The following GRM5 variants were observed in gnomAD, a reference collection of about 807,000 sequenced individuals.
GRM5 encodes the protein glutamate metabotropic receptor 5.
Under a neutral mutation model 83.1 loss-of-function variants are expected in GRM5, and 19 were observed. The ratio of observed to expected loss-of-function variants is 0.23; its 90% CI spans 0.16 to 0.34. The LOEUF is 0.34. Among genes scored for constraint, GRM5 ranks in the 10% least tolerant of loss-of-function variants. The probability of loss-of-function intolerance (pLI) is 1.00; values close to 1 mark genes in which losing one functional copy is unlikely to be tolerated. For missense variants in GRM5, 1,160 were observed against 1,588.3 expected (o/e 0.73, Z 4.58); for synonymous variants, 675 against 633.6 (o/e 1.07, Z -0.98).
In GRM5 at chr11:89,047,099, C is replaced by T. The variant is rs546634038; in HGVS notation, c.661+113G>A. 63 of 808,880 alleles carry T rather than the reference C, an allele frequency of 7.8e-5. No individual in the cohort carries two copies. In the East Asian group the frequency reaches 1.2e-3, roughly 16 times the overall value. The allele number at this position is 808,880 out of a possible 1,614,324, so 50.1% of individuals were successfully genotyped here. A position where few individuals can be genotyped will look rare whatever the true frequency, so the allele number is the denominator to read the frequency against. Reference sequence around the variant, plus strand: ...CTGTTCTTATAGTACTGGTATAACTCGGACAATTCAAAATATCCAAAATAA... The same window carrying T: ...CTGTTCTTATAGTACTGGTATAACTTGGACAATTCAAAATATCCAAAATAA... On this transcript the variant is annotated intron_variant, in intron 2 of 9. Transcript: ENST00000305447. The surrounding 1 kb of genome is among the most constrained non-coding windows in gnomAD (Gnocchi z 5.1).
intron 2 of GRM5, among the ~76,000 whole-genome samples, chr11:88,912,794 A>T (rs1945521072): frequency 6.6e-6 from 1 of 152,160 alleles, no homozygotes; most frequent in Admixed American, 6.5e-5. Context: ...GCACTTGATA[A>T]AATTCCATTC....
chr11:88,967,248 C>CATAT (rs61389354), intron 2 of GRM5, among the ~76,000 whole-genome samples: 223 of 141,660 alleles, frequency 1.6e-3, no homozygotes, highest in Middle Eastern at 7.3e-3. Context: ...TATATATACA[C>CATAT]ATATATATAT....
chr11:89,054,434 T>C (rs1941828486), intron 1 of GRM5, among the ~76,000 whole-genome samples: 1 of 152,166 alleles, frequency 6.6e-6, no homozygotes, highest in African/African-American at 2.4e-5. Context: ...TATATCAAGT[T>C]GCACATACTA....
chr11:88,630,110 T>A (rs1345244783), intron 4 of GRM5, among the ~76,000 whole-genome samples: 1 of 152,202 alleles, frequency 6.6e-6, no homozygotes, highest in Non-Finnish European at 1.5e-5. Context: ...CCTCACTTTC[T>A]GGGCTTTATA....
intron 3 of GRM5, among the ~76,000 whole-genome samples, chr11:88,746,613 T>C (rs1942150097): frequency 6.6e-6 from 1 of 152,014 alleles, no homozygotes; most frequent in Non-Finnish European, 1.5e-5. Flanking sequence ...TTTTCCAATA[T>C]ACGAGCTGAT....
At chr11:89,008,078 A>G (rs1940580640) in intron 2 of GRM5, among the ~76,000 whole-genome samples, 1 of 152,220 alleles carries the variant, frequency 6.6e-6, no homozygotes, top group Admixed American at 6.5e-5. Context: ...AATATGTAAT[A>G]CAATTATATG....
At chr11:88,518,103 T>C (rs905712027) in intron 9 of GRM5, among the ~76,000 whole-genome samples, 1 of 151,936 alleles carries the variant, frequency 6.6e-6, no homozygotes, top group Non-Finnish European at 1.5e-5. Flanking sequence ...CATTTCTGTA[T>C]TACATTTTTT....
intron 3 of GRM5, among the ~76,000 whole-genome samples, chr11:88,665,116 A>AGGTAT (rs1371121035): frequency 6.6e-6 from 1 of 151,876 alleles, no homozygotes; most frequent in Non-Finnish European, 1.5e-5. Context: ...CTGTGTCCAA[A>AGGTAT]GGTATATACA....
At chr11:88,779,409 C>T (rs751860786) in intron 3 of GRM5, among the ~76,000 whole-genome samples, 36 of 152,190 alleles carry the variant, frequency 2.4e-4, no homozygotes, top group African/African-American at 6.7e-4. Flanking sequence ...CATCAGACTC[C>T]GCTGGGTTTA....
intron 2 of GRM5, among the ~76,000 whole-genome samples, chr11:88,999,423 T>A (rs4517513): frequency 6.6e-6 from 1 of 151,160 alleles, no homozygotes; most frequent in Non-Finnish European, 1.5e-5. Context: ...AAAAAGTGGG[T>A]GAAGGATATG....
chr11:88,602,213 T>G lies in GRM5; in HGVS notation c.1394+2505A>C, dbSNP rs141090659. ...CAATGTGAATATTCGTATGTTTTGC[T>G]GCAGAAATATTAATGTGTTTATTAG... On this transcript the variant is annotated intron_variant, in intron 5 of 9. Transcript: ENST00000305447. Among the ~76,000 whole-genome samples the G allele has an allele frequency of 1.2e-3, 177 of 152,334 alleles. 1 individual carries two copies. In the Middle Eastern group the frequency reaches 0.014, roughly 12 times the overall value.
intron 3 of GRM5, among the ~76,000 whole-genome samples, chr11:88,831,724 G>A (rs988847076): frequency 6.6e-6 from 1 of 152,126 alleles, no homozygotes; most frequent in African/African-American, 2.4e-5. Flanking sequence ...GTGGGCCAGC[G>A]ATTGCAGCCA....
chr11:88,859,709 T>C (rs1159811049), intron 2 of GRM5, among the ~76,000 whole-genome samples: 1 of 152,146 alleles, frequency 6.6e-6, no homozygotes, highest in Non-Finnish European at 1.5e-5. Flanking sequence ...AATTGTTCAA[T>C]TTAGTCCTGT....
At chr11:88,882,002 G>C (rs1306534645) in intron 2 of GRM5, among the ~76,000 whole-genome samples, 1 of 152,042 alleles carries the variant, frequency 6.6e-6, no homozygotes, top group African/African-American at 2.4e-5. Flanking sequence ...AGCACCTTGG[G>C]ATGCCAAGGT....
chr11:88,982,844 A>T (rs916269452), intron 2 of GRM5, among the ~76,000 whole-genome samples: 3 of 152,122 alleles, frequency 2.0e-5, no homozygotes, highest in Non-Finnish European at 2.9e-5. Flanking sequence ...AAGCGAGTGG[A>T]TCTCCTGAGG....
At chr11:88,924,264 T>C (rs1159648299) in intron 2 of GRM5, among the ~76,000 whole-genome samples, 1 of 151,998 alleles carries the variant, frequency 6.6e-6, no homozygotes, top group East Asian at 1.9e-4. Flanking sequence ...CTTAAAATTT[T>C]AAAATATAAC....
intron 3 of GRM5, among the ~76,000 whole-genome samples, chr11:88,662,571 C>G (rs1223272433): frequency 1.3e-5 from 2 of 152,020 alleles, no homozygotes; most frequent in Non-Finnish European, 2.9e-5. Context: ...TTTTAGGTTC[C>G]AAACAAGCTG....
intron 3 of GRM5, among the ~76,000 whole-genome samples, chr11:88,754,040 G>A (rs1302648802): frequency 6.6e-6 from 1 of 152,080 alleles, no homozygotes; most frequent in Non-Finnish European, 1.5e-5. Flanking sequence ...GGAACTACAA[G>A]ATGAGATTTG....
chr11:88,701,434 G>A (rs960735831), intron 3 of GRM5, among the ~76,000 whole-genome samples: 1 of 152,134 alleles, frequency 6.6e-6, no homozygotes, highest in African/African-American at 2.4e-5. Flanking sequence ...GTTCTTGGAA[G>A]AGTGAGGGAA....
Sources: allele counts gnomAD v4.1 joint callset (sites outside exome capture counted in the v4.1 genomes callset), GRCh38; gene constraint gnomAD v4.1.1; non-coding constraint Gnocchi (gnomAD v3.1); transcripts MANE v1.5; gene names NCBI Gene and HGNC (gene_info 2026-07-23, HGNC 2026-07-21).